STK33: variants seen among roughly 807,000 people sequenced by gnomAD.
STK33 encodes serine/threonine kinase 33.
STK33 carries 52 observed loss-of-function variants against 58.0 expected under a neutral mutation model. That is an observed-to-expected ratio of 0.90 (90% CI 0.72 to 1.13). The LOEUF (loss-of-function observed/expected upper bound fraction) is 1.13. Ranked by LOEUF, STK33 falls within the 50% of genes most tolerant of loss-of-function variation. STK33 has a pLI of 0.00. For missense variants in STK33, 630 were observed against 604.2 expected (o/e 1.04, Z -0.45); for synonymous variants, 215 against 200.1 (o/e 1.07, Z -0.63).
intron 11 of STK33, among the ~76,000 whole-genome samples, chr11:8,448,371 G>A (rs1591147546): frequency 6.6e-6 from 1 of 152,110 alleles, no homozygotes. Flanking sequence ...CACGCTACCT[G>A]ACTTCAAACT....
chr11:8,457,428 G>C lies in STK33; in HGVS notation c.610C>G (p.Leu204Val). 6.2e-7 allele frequency: 1 copy of C among 1,606,418 alleles called. No homozygotes were observed. ...LCEDGELKEI[L>V]DRKGHFSENE... is the part of the protein sequence containing the mutation. The stretch of plus-strand genomic sequence containing the variant: ...TCTGAGAAATGCCCTTTCCTATCCA[G>C]AATTTCTTTGAGTTCTCCATCCTCA... The change falls in exon 9 of 16, where the codon CTG becomes GTG. Residue 204 changes from leucine to valine, a missense_variant. Coordinates refer to ENST00000687296, the MANE Select transcript of STK33 (RefSeq NM_001352389.2).
At chr11:8,374,024 G>C in the STK33 span, among the ~76,000 whole-genome samples, 1 of 152,180 alleles carries the variant, frequency 6.6e-6, no homozygotes, top group Non-Finnish European at 1.5e-5. Flanking sequence ...TTATGTAAGC[G>C]CCAAAGTTAT....
At chr11:8,492,455 T>G (rs1259693264) in intron 1 of STK33, among the ~76,000 whole-genome samples, 1 of 152,122 alleles carries the variant, frequency 6.6e-6, no homozygotes, top group Non-Finnish European at 1.5e-5. Flanking sequence ...AGCAAGTCAT[T>G]AGAGAACTAC....
chr11:8,462,462 C>T (rs1947664836), intron 7 of STK33, among the ~76,000 whole-genome samples: 1 of 146,462 alleles, frequency 6.8e-6, no homozygotes, highest in African/African-American at 2.5e-5. Context: ...CACACACACA[C>T]ACACACACAC....
chr11:8,447,800 G>A (rs1945702184), intron 11 of STK33, among the ~76,000 whole-genome samples: 1 of 152,158 alleles, frequency 6.6e-6, no homozygotes, highest in Non-Finnish European at 1.5e-5. Flanking sequence ...AATCAGGCAG[G>A]AGAAGGAAAT....
chr11:8,349,128 A>C, the STK33 span, among the ~76,000 whole-genome samples: 1 of 151,996 alleles, frequency 6.6e-6, no homozygotes, highest in Non-Finnish European at 1.5e-5. Context: ...GGTCATTTCC[A>C]CTTCTAGCTG....
At chr11:8,462,193 A>G (rs1255175930) in intron 7 of STK33, among the ~76,000 whole-genome samples, 3 of 152,066 alleles carry the variant, frequency 2.0e-5, no homozygotes, top group African/African-American at 4.8e-5. Flanking sequence ...TAGCTACAAC[A>G]TGGTATCTGT....
intron 12 of STK33, among the ~76,000 whole-genome samples, chr11:8,439,868 A>T (rs1406522196): frequency 1.7e-5 from 1 of 59,774 alleles, no homozygotes; most frequent in Non-Finnish European, 3.5e-5. Flanking sequence ...TTATATTATA[A>T]TTATATATAT....
chr11:8,504,824 T>C (rs1565213704), intron 1 of STK33, among the ~76,000 whole-genome samples: 1 of 151,990 alleles, frequency 6.6e-6, no homozygotes, highest in Non-Finnish European at 1.5e-5. Context: ...AAATAAATTA[T>C]ATAAACTTAT....
the STK33 span, among the ~76,000 whole-genome samples, chr11:8,375,736 C>A: frequency 6.6e-6 from 1 of 152,012 alleles, no homozygotes; most frequent in Non-Finnish European, 1.5e-5. Flanking sequence ...GGGCTCTTAC[C>A]CCTTCACTTG....
chr11:8,428,978 T>G (rs1295072938), intron 14 of STK33, among the ~76,000 whole-genome samples: 1 of 152,108 alleles, frequency 6.6e-6, no homozygotes, highest in Non-Finnish European at 1.5e-5. Context: ...ATTTGAACTT[T>G]TTTTGTAAAA....
chr11:8,428,990 G>C (rs183963821), intron 14 of STK33, among the ~76,000 whole-genome samples: 37 of 151,964 alleles, frequency 2.4e-4, no homozygotes, highest in African/African-American at 8.9e-4. Flanking sequence ...TTTGTAAAAT[G>C]AGACAAATTA....
chr11:8,544,600 C>T (rs942341157), intron 1 of STK33, among the ~76,000 whole-genome samples: 1 of 151,756 alleles, frequency 6.6e-6, no homozygotes, highest in African/African-American at 2.4e-5. Context: ...GACATATACT[C>T]ATTGTTTTCT....
At chr11:8,526,877 A>T (rs1163470335) in intron 1 of STK33, among the ~76,000 whole-genome samples, 1 of 143,790 alleles carries the variant, frequency 7.0e-6, no homozygotes, top group Non-Finnish European at 1.5e-5. Flanking sequence ...GATTCTGTTT[A>T]TATGTTAAAA....
At chr11:8,420,299 A>C (rs760282522) in intron 14 of STK33, among the ~76,000 whole-genome samples, 12 of 152,150 alleles carry the variant, frequency 7.9e-5, no homozygotes, top group Non-Finnish European at 1.8e-4. Flanking sequence ...ACTGTGTACC[A>C]CTTTCATGTT....
Position 8,468,844 on chromosome 11 carries a change from C to T in STK33, c.340-4022G>A, listed in dbSNP as rs1049699796. Among the ~76,000 whole-genome samples the T allele has an allele frequency of 5.3e-5, 8 of 152,078 alleles. No individual in the cohort carries two copies. In the South Asian group the frequency reaches 1.7e-3, roughly 31 times the overall value. On this transcript the variant is annotated intron_variant, in intron 6 of 15. Coordinates refer to ENST00000687296, the MANE Select transcript of STK33 (RefSeq NM_001352389.2). Reference sequence around the variant, plus strand: ...TTGTGTATTCAGTTCCAGACCACCACCATAAAGCAAAAATTGCAATAAAGC... The same window carrying T: ...TTGTGTATTCAGTTCCAGACCACCATCATAAAGCAAAAATTGCAATAAAGC...
intron 1 of STK33, among the ~76,000 whole-genome samples, chr11:8,502,180 G>T (rs550524783): frequency 2.0e-5 from 3 of 151,854 alleles, no homozygotes; most frequent in Admixed American, 1.3e-4. Flanking sequence ...AAATTAAGTC[G>T]TCCCTAAAAA....
chr11:8,400,454 T>C (rs1376295917), intron 15 of STK33, among the ~76,000 whole-genome samples: 3 of 152,166 alleles, frequency 2.0e-5, no homozygotes, highest in Admixed American at 6.5e-5. Flanking sequence ...AAATTAGGTA[T>C]TGATGGGACG....
intron 1 of STK33, among the ~76,000 whole-genome samples, chr11:8,572,234 C>CAGA (rs1405615113): frequency 3.3e-5 from 5 of 151,954 alleles, no homozygotes; most frequent in Non-Finnish European, 5.9e-5. Flanking sequence ...CACAGGGCAG[C>CAGA]AAGTAGAATT....
Sources: gnomAD v4.1 joint callset for allele counts (sites outside exome capture counted in the v4.1 genomes callset) on GRCh38, gnomAD v4.1.1 for gene constraint, MANE v1.5 for transcripts, NCBI Gene and HGNC (gene_info 2026-07-23, HGNC 2026-07-21) for gene names.